WDR27: variants seen among roughly 807,000 people sequenced by gnomAD.
WDR27 encodes the protein WD repeat-containing protein 27.
In WDR27, 100 loss-of-function variants were observed where a neutral mutation model predicts 114.4. That is an observed-to-expected ratio of 0.87 (90% CI 0.74 to 1.03). The LOEUF is 1.03. WDR27 is among the 50% of genes least tolerant of loss of function. The probability of loss-of-function intolerance (pLI) is 0.00; values close to 1 mark genes in which losing one functional copy is unlikely to be tolerated. For missense variants in WDR27, 1,129 were observed against 1,092.9 expected (o/e 1.03, Z -0.47); for synonymous variants, 449 against 423.1 (o/e 1.06, Z -0.75).
intron 22 of WDR27, among the ~76,000 whole-genome samples, chr6:169,609,094 G>A (rs190565194): frequency 1.3e-4 from 20 of 151,964 alleles, no homozygotes; most frequent in Admixed American, 2.6e-4. Context: ...TCCCATGGTC[G>A]TGGGCAGCTC....
chr6:169,684,667 TC>T lies in WDR27; in HGVS notation c.189+4149del, dbSNP rs1482798950. Among the ~76,000 whole-genome samples the T allele has an allele frequency of 6.6e-6, 1 of 152,124 alleles. No individual in the cohort carries two copies. Among genetic ancestry groups the T allele is most frequent in the African/African-American group, 2.4e-5 (1 of 41,412 alleles). Reference sequence around the variant, plus strand: ...GGACTGAGAAGCAGTCCTGTGGGTTTCCCCCAGCAGATATGCTCTCAGACAA... The same window carrying T: ...GGACTGAGAAGCAGTCCTGTGGGTTTCCCCAGCAGATATGCTCTCAGACAA... On this transcript the variant is annotated intron_variant, in intron 2 of 25. Coordinates refer to ENST00000448612, the MANE Select transcript of WDR27 (RefSeq NM_182552.5). This position sits in a 1 kb window ranked among gnomAD's most constrained non-coding sequence, Gnocchi z 4.3.
At chr6:169,643,808 A>G (rs747604287) in intron 16 of WDR27, 22 bp from the exon 17 acceptor site, 5 of 1,597,678 alleles carry the variant, frequency 3.1e-6, no homozygotes, top group Non-Finnish European at 4.3e-6. Context: ...ATTTTAAAAA[A>G]AGACTTCTTA....
At position 169,582,835 on chromosome 6, in the gene WDR27, C is replaced by T. The variant is rs1584380450; in HGVS notation, c.2523+1G>A. 1 of 1,613,116 alleles carries T rather than the reference C, an allele frequency of 6.2e-7. No individual in the cohort carries two copies. The highest frequency in any genetic ancestry group is 8.5e-7 in the Non-Finnish European group (1 of 1,179,364). On this transcript the variant is annotated splice_donor_variant, in intron 24 of 25. Transcript: ENST00000448612. LOFTEE classifies it high-confidence loss of function. Reference sequence around the variant, plus strand: ...GCCCCACCCACTCAGCAAGACTGTACCTGGGGCGCTGATGGGTTGAAGGCC... The same window carrying T: ...GCCCCACCCACTCAGCAAGACTGTATCTGGGGCGCTGATGGGTTGAAGGCC...
At chr6:169,614,031 A>G (rs375048924) in intron 21 of WDR27, among the ~76,000 whole-genome samples, 18 of 152,318 alleles carry the variant, frequency 1.2e-4, no homozygotes, top group African/African-American at 4.3e-4. Flanking sequence ...AGTTAAGGTG[A>G]GTTATTAATC....
chr6:169,637,006 C>T (rs757997105), intron 18 of WDR27, among the ~76,000 whole-genome samples: 9 of 152,156 alleles, frequency 5.9e-5, no homozygotes, highest in Non-Finnish European at 1.2e-4. Flanking sequence ...TATTCAATCC[C>T]CTTTCTATAA....
At chr6:169,599,429 A>G (rs919657803) in intron 23 of WDR27, among the ~76,000 whole-genome samples, 1 of 152,098 alleles carries the variant, frequency 6.6e-6, no homozygotes, top group Admixed American at 6.6e-5. Context: ...TTATTGCCTC[A>G]ATTTCAGAGC....
intron 25 of WDR27, among the ~76,000 whole-genome samples, chr6:169,488,187 C>A (rs1299317208): frequency 6.6e-6 from 1 of 152,230 alleles, no homozygotes; most frequent in Non-Finnish European, 1.5e-5. Flanking sequence ...GGCCTGGAAG[C>A]CTGCCTAATT....
At chr6:169,679,405 T>C (rs914048746) in intron 2 of WDR27, among the ~76,000 whole-genome samples, 4 of 152,330 alleles carry the variant, frequency 2.6e-5, no homozygotes, top group African/African-American at 7.2e-5. Context: ...GAGAAGGACA[T>C]AAAATGTAGG....
chr6:169,613,497 A>G (rs916940652), intron 22 of WDR27, 62 bp downstream of exon 22: 1 of 1,296,330 alleles, frequency 7.7e-7, no homozygotes, highest in Non-Finnish European at 1.1e-6. Flanking sequence ...AAAAGAGATC[A>G]GATTGAGCTT....
intron 24 of WDR27, among the ~76,000 whole-genome samples, chr6:169,582,117 G>A (rs542755427): frequency 6.6e-6 from 1 of 152,240 alleles, no homozygotes; most frequent in East Asian, 1.9e-4. Flanking sequence ...GGGATTATAC[G>A]CGCCCACCAC....
chr6:169,622,608 T>C (rs1813642966), intron 21 of WDR27, among the ~76,000 whole-genome samples: 1 of 152,152 alleles, frequency 6.6e-6, no homozygotes, highest in Non-Finnish European at 1.5e-5. Context: ...GATGAAGAAA[T>C]GACTGAAAAC....
chr6:169,485,104 A>G (rs186593628), intron 25 of WDR27, among the ~76,000 whole-genome samples: 9 of 152,340 alleles, frequency 5.9e-5, no homozygotes, highest in African/African-American at 2.2e-4. Flanking sequence ...TCTGGACATA[A>G]GAACAGGCAA....
chr6:169,437,632 G>T, the WDR27 span, among the ~76,000 whole-genome samples: 3 of 151,830 alleles, frequency 2.0e-5, no homozygotes, highest in Non-Finnish European at 4.4e-5. Context: ...TTCTTTCTTC[G>T]TTCCTTAAAA....
chr6:169,538,948 T>G (rs1264334452), intron 25 of WDR27, among the ~76,000 whole-genome samples: 1 of 152,166 alleles, frequency 6.6e-6, no homozygotes, highest in Non-Finnish European at 1.5e-5. Flanking sequence ...CTGTTCTATC[T>G]TAATTAAGGA....
chr6:169,670,484 A>G, intron 4 of WDR27, 85 bp downstream of exon 4: 1 of 1,521,670 alleles, frequency 6.6e-7, no homozygotes, highest in Non-Finnish European at 8.9e-7. Context: ...AGGAAAAAAG[A>G]AAAGACCGCT....
Position 169,701,808 on chromosome 6 carries a change from G to GAGCAACCGCGC in WDR27, c.-276_-266dup. On this transcript the variant is annotated 5_prime_UTR_variant, in exon 1 of 26. Coordinates refer to ENST00000448612, the MANE Select transcript of WDR27 (RefSeq NM_182552.5). ...TTCCTAGAGACCTCAGCGGAGCCGC[G>GAGCAACCGCGC]AGCAACCGCGCAGCCCCCGCGCTCC... 3.4e-6 allele frequency: 1 copy of GAGCAACCGCGC among 290,450 alleles called. No individual in the cohort carries two copies. The highest frequency in any genetic ancestry group is 5.1e-5 in the Admixed American group (1 of 19,654). 18.0% of individuals were successfully genotyped at this position (290,450 alleles called of 1,614,324 possible). A position where few individuals can be genotyped will look rare whatever the true frequency, so the allele number is the denominator to read the frequency against.
chr6:169,649,965 A>C, intron 14 of WDR27, among the ~76,000 whole-genome samples: 1 of 99,598 alleles, frequency 1.0e-5, no homozygotes. Flanking sequence ...CCCACCATCC[A>C]TGCACCCATG....
intron 25 of WDR27, among the ~76,000 whole-genome samples, chr6:169,552,030 C>T (rs1032907493): frequency 3.3e-5 from 5 of 152,132 alleles, no homozygotes; most frequent in Admixed American, 1.3e-4. Context: ...GCAGAGAAGC[C>T]GCATACAAAG....
At chr6:169,469,704 C>T (rs1786087568) in intron 25 of WDR27, among the ~76,000 whole-genome samples, 1 of 152,006 alleles carries the variant, frequency 6.6e-6, no homozygotes, top group African/African-American at 2.4e-5. Flanking sequence ...AAGAGCCCTA[C>T]AGTTCTGTTT....
Sources: allele counts gnomAD v4.1 joint callset (sites outside exome capture counted in the v4.1 genomes callset), GRCh38; gene constraint gnomAD v4.1.1; non-coding constraint Gnocchi (gnomAD v3.1); transcripts MANE v1.5; gene names NCBI Gene and HGNC (gene_info 2026-07-23, HGNC 2026-07-21).